The following PCDHGA11 variants were observed in gnomAD, a reference collection of about 807,000 sequenced individuals.
The protein encoded by PCDHGA11 is protocadherin gamma subfamily A, 11.
In PCDHGA11, 39 loss-of-function variants were observed where a neutral mutation model predicts 60.4. That is an observed-to-expected ratio of 0.65 (90% CI 0.50 to 0.84). PCDHGA11 has a LOEUF of 0.84. Among genes scored for constraint, PCDHGA11 ranks in the 40% least tolerant of loss-of-function variants. The pLI is 0.00. For missense variants in PCDHGA11, 1,165 were observed against 1,197.7 expected, an observed-to-expected ratio of 0.97 and a Z score of 0.40; for synonymous variants, 533 against 510.3, an observed-to-expected ratio of 1.04 and a Z score of -0.60.
rs759647406 is a variant in PCDHGA11 at position 141,493,849 on chromosome 5, A to G, written c.2434-958A>G. Among the ~76,000 whole-genome samples the G allele has an allele frequency of 6.6e-6, 1 of 152,178 alleles. No individual in the cohort carries two copies. The highest frequency in any genetic ancestry group is 1.5e-5 in the Non-Finnish European group (1 of 68,028). ...CTGGGAGCAAGTATGAGTATTAATT[A>G]CCAGCCCACCCCAGAACCAGTGAGG... On this transcript the variant is annotated intron_variant, in intron 1 of 3. Coordinates refer to ENST00000398587, the MANE Select transcript of PCDHGA11 (RefSeq NM_018914.3). The surrounding 1 kb of genome is among the most constrained non-coding windows in gnomAD (Gnocchi z 4.3).
chr5:141,445,303 G>A (rs145466142), intron 1 of PCDHGA11, among the ~76,000 whole-genome samples: 327 of 152,332 alleles, frequency 2.1e-3, no homozygotes, highest in African/African-American at 7.6e-3. Context: ...ATTCTCTTCA[G>A]TTTGTAGGTT....
Position 141,422,343 on chromosome 5 carries a change from G to T in PCDHGA11, c.1116G>T (p.Val372=), listed in dbSNP as rs764862139. ...GTACAGTGATTGCTCTTCTAAATGT[G>T]CAAGATCAAGATTCTGGAGAAAATG... The part of the protein sequence containing the change: ...PPGTVIALLN[V]QDQDSGENGQ... The change falls in exon 1 of 4, where the codon GTG becomes GTT. Residue 372 remains valine (V), a synonymous_variant. Transcript: ENST00000398587. 1.9e-6 allele frequency: 3 copies of T among 1,551,388 alleles called. No individual in the cohort carries two copies. The East Asian group carries it at 6.7e-5, about 35-fold the overall frequency.
chr5:141,496,992 C>T (rs1055856428), intron 2 of PCDHGA11, among the ~76,000 whole-genome samples: 2 of 151,918 alleles, frequency 1.3e-5, no homozygotes, highest in African/African-American at 2.4e-5. Context: ...TTGAGACCAG[C>T]CTGGCAGCCA....
Position 141,421,567 on chromosome 5 carries a change from A to G in PCDHGA11, c.340A>G (p.Thr114Ala), listed in dbSNP as rs1202908091. The change falls in exon 1 of 4, where the codon ACC (threonine) becomes GCC (alanine). Residue 114 changes from threonine to alanine, a missense_variant. Thr to Ala is a moderately conservative substitution (Grantham distance 58). Coordinates refer to ENST00000398587, the MANE Select transcript of PCDHGA11 (RefSeq NM_018914.3). ...AAATATGGAACTTCTCGTGGAAGACACCTTGAAGATTTACGGAGTGGAGGT... is the reference window on the plus strand; with the variant it reads ...AAATATGGAACTTCTCGTGGAAGACGCCTTGAAGATTTACGGAGTGGAGGT... ...FLNMELLVED[T>A]LKIYGVEVEI... The G allele has an allele frequency of 1.7e-5, 27 of 1,613,972 alleles. No individual in the cohort carries two copies. Among genetic ancestry groups the G allele is most frequent in the Non-Finnish European group, 2.2e-5 (26 of 1,179,858 alleles).
Position 141,422,844 on chromosome 5 carries a change from G to A in PCDHGA11, c.1617G>A (p.Gly539=). 1 of 1,614,238 alleles carries A rather than the reference G, an allele frequency of 6.2e-7. No individual in the cohort carries two copies. The highest frequency in any genetic ancestry group is 8.5e-7 in the Non-Finnish European group (1 of 1,180,052). Residue 539 remains glycine (G), a synonymous_variant, in exon 1 of 4, where the codon GGG becomes GGA. Coordinates refer to ENST00000398587, the MANE Select transcript of PCDHGA11 (RefSeq NM_018914.3). ...TGAGAGTGATAGCACGTGACAGCGG[G>A]GACCCGCCCCTCAGCAGCAACGTGT... The part of the protein sequence containing the change: ...LELRVIARDS[G]DPPLSSNVSL...
chr5:141,421,824 A>G lies in PCDHGA11; in HGVS notation c.597A>G (p.Gly199=). 1 of 1,613,768 alleles carries G rather than the reference A, an allele frequency of 6.2e-7. No individual in the cohort carries two copies. The highest frequency in any genetic ancestry group is 8.5e-7 in the Non-Finnish European group (1 of 1,179,876). ...GAKNPELVLE[G]SLDREKEAAH... ...AGAATCCAGAGCTAGTACTGGAGGG[A>G]AGCCTGGACCGAGAGAAAGAGGCTG... is the stretch of plus-strand genomic sequence containing the variant. The change falls in exon 1 of 4, where the codon GGA becomes GGG. Residue 199 remains glycine (G), a synonymous_variant. Transcript: ENST00000398587.
At chr5:141,478,766 T>C in intron 1 of PCDHGA11, 2 of 1,505,456 alleles carry the variant, frequency 1.3e-6, no homozygotes, top group Non-Finnish European at 1.8e-6. Flanking sequence ...GATACTTGAC[T>C]CATCTGTGGA....
intron 1 of PCDHGA11, chr5:141,426,510 T>C: frequency 2.9e-6 from 1 of 342,914 alleles, no homozygotes; most frequent in Non-Finnish European, 5.8e-6. Context: ...AACAATACTT[T>C]ACCGTGAACA....
chr5:141,455,690 C>A (rs1209152869), intron 1 of PCDHGA11, among the ~76,000 whole-genome samples: 1 of 152,064 alleles, frequency 6.6e-6, no homozygotes, highest in East Asian at 1.9e-4. Context: ...CTGTGGGAAT[C>A]GCCAAGTTGA....
At chr5:141,505,574 C>T (rs1275802375) in intron 3 of PCDHGA11, 93 bp downstream of exon 3, 13 of 1,593,636 alleles carry the variant, frequency 8.2e-6, no homozygotes, top group Non-Finnish European at 1.1e-5. Context: ...GGATGTCAAA[C>T]CTGTGTAGTT....
At chr5:141,435,383 G>C (rs1057246190) in intron 1 of PCDHGA11, among the ~76,000 whole-genome samples, 4 of 151,898 alleles carry the variant, frequency 2.6e-5, no homozygotes, top group Admixed American at 2.0e-4. Flanking sequence ...ACAATATACC[G>C]TATTGCCATG....
At chr5:141,462,217 C>T (rs1469685983) in intron 1 of PCDHGA11, among the ~76,000 whole-genome samples, 1 of 152,216 alleles carries the variant, frequency 6.6e-6, no homozygotes, top group South Asian at 2.1e-4. Flanking sequence ...GCCTCGGCCT[C>T]CCAAAGTGCA....
At chr5:141,464,009 T>C (rs1187492781) in intron 1 of PCDHGA11, among the ~76,000 whole-genome samples, 1 of 151,950 alleles carries the variant, frequency 6.6e-6, no homozygotes. Context: ...CTCATGCTTG[T>C]AATCCCACAC....
intron 1 of PCDHGA11, among the ~76,000 whole-genome samples, chr5:141,450,951 A>G (rs1018018318): frequency 1.3e-5 from 2 of 151,732 alleles, no homozygotes; most frequent in Non-Finnish European, 2.9e-5. Context: ...CAGCCTCCCA[A>G]GTAGCTGGGA....
rs561499055 is a variant in PCDHGA11 at position 141,423,745 on chromosome 5, C to G, written c.2433+85C>G. 10 of 605,688 alleles carry G rather than the reference C, an allele frequency of 1.7e-5. No individual in the cohort carries two copies. The East Asian group carries it at 3.1e-4, about 19-fold the overall frequency. The allele number at this position is 605,688 out of a possible 1,614,324, so 37.5% of individuals were successfully genotyped here. A position where few individuals can be genotyped will look rare whatever the true frequency, so the allele number is the denominator to read the frequency against. The stretch of plus-strand genomic sequence containing the variant: ...ATGTTTTTTGAGCCTGTTATGAAAA[C>G]TGTTTGGGGGGGGGGTGGGGCGGCA... On this transcript the variant is annotated intron_variant, in intron 1 of 3. Coordinates refer to ENST00000398587, the MANE Select transcript of PCDHGA11 (RefSeq NM_018914.3).
intron 3 of PCDHGA11, among the ~76,000 whole-genome samples, chr5:141,505,875 T>C (rs991981462): frequency 2.6e-4 from 40 of 152,140 alleles, no homozygotes; most frequent in African/African-American, 9.2e-4. Flanking sequence ...AAAGGGTTGT[T>C]GTAGAGATTA....
chr5:141,488,677 G>A (rs2099678276), intron 1 of PCDHGA11, among the ~76,000 whole-genome samples: 2 of 152,184 alleles, frequency 1.3e-5, no homozygotes, highest in African/African-American at 2.4e-5. Context: ...CATGGGCTTT[G>A]CCTCTCCCAG....
rs1161188105 is a variant in PCDHGA11, at chr5:141,427,974, G to A, written c.2433+4314G>A. 9 of 1,594,458 alleles carry A rather than the reference G, an allele frequency of 5.6e-6. No individual in the cohort carries two copies. In the Admixed American group the frequency reaches 1.5e-4, roughly 27 times the overall value. ...CAATGTGCCGCGGGTGCTGTACCCC[G>A]CGCTGGGGCCCGATGGCTCCGCACT... On this transcript the variant is annotated intron_variant, in intron 1 of 3. Transcript: ENST00000398587.
At position 141,421,063 on chromosome 5, in the gene PCDHGA11, G is replaced by A. The variant is rs575695102; in HGVS notation, c.-165G>A. 4.7e-4 allele frequency: 274 copies of A among 581,982 alleles called. 4 individuals are homozygous for A. The South Asian group carries it at 6.4e-3, about 14-fold the overall frequency. 36.1% of individuals were successfully genotyped at this position (581,982 alleles called of 1,614,324 possible). On this transcript the variant is annotated 5_prime_UTR_variant, in exon 1 of 4. Transcript: ENST00000398587. ...CTCCCCCGCCTCTACCACACAAAGC[G>A]GAATGAGATGGATACTCACAGATCC... is the stretch of plus-strand genomic sequence containing the variant.
Sources: gnomAD v4.1 joint callset for allele counts (sites outside exome capture counted in the v4.1 genomes callset) on GRCh38, gnomAD v4.1.1 for gene constraint, Gnocchi (gnomAD v3.1) non-coding constraint, MANE v1.5 for transcripts, NCBI Gene and HGNC (gene_info 2026-07-23, HGNC 2026-07-21) for gene names.